The following TUSC3 variants were observed in gnomAD, a reference collection of about 807,000 sequenced individuals.
The protein encoded by TUSC3 is tumor suppressor candidate 3, also known as dolichyl-diphosphooligosaccharide--protein glycosyltransferase subunit TUSC3.
TUSC3 carries 45 observed loss-of-function variants against 44.8 expected under a neutral mutation model. The observed-to-expected ratio is 1.00, with a 90% CI of 0.79 to 1.29. The LOEUF is 1.29. Among genes scored for constraint, TUSC3 ranks in the 50% most tolerant of loss-of-function variants. TUSC3 has a pLI of 0.00. For synonymous variants in TUSC3, 212 were observed against 152.9 expected (o/e 1.39, Z -2.85); for missense variants, 519 against 437.9 (o/e 1.19, Z -1.65).
the TUSC3 span, among the ~76,000 whole-genome samples, chr8:15,832,727 C>T: frequency 3.3e-5 from 5 of 152,064 alleles, no homozygotes; most frequent in Non-Finnish European, 7.4e-5. Flanking sequence ...TCAACAAGAC[C>T]TAACTATACT....
intron 2 of TUSC3, among the ~76,000 whole-genome samples, chr8:15,526,671 C>T (rs981516751): frequency 2.6e-5 from 4 of 152,130 alleles, no homozygotes; most frequent in Non-Finnish European, 4.4e-5. Context: ...TCTCCAGTTA[C>T]GTGGAACTGT....
At chr8:15,779,611 C>A in the TUSC3 span, among the ~76,000 whole-genome samples, 1 of 152,000 alleles carries the variant, frequency 6.6e-6, no homozygotes. Flanking sequence ...CAATTTACAT[C>A]GATAATTACT....
chr8:15,577,567 G>A (rs1803166651), intron 1 of TUSC3, among the ~76,000 whole-genome samples: 2 of 148,508 alleles, frequency 1.3e-5, no homozygotes, highest in African/African-American at 5.0e-5. Context: ...TTATTAAATA[G>A]GGAATCCTTT....
At chr8:15,789,759 A>T in the TUSC3 span, among the ~76,000 whole-genome samples, 2 of 152,220 alleles carry the variant, frequency 1.3e-5, no homozygotes, top group African/African-American at 4.8e-5. Flanking sequence ...AATAAGAAAC[A>T]GGACAGATAT....
the TUSC3 span, among the ~76,000 whole-genome samples, chr8:15,836,948 C>T: frequency 6.6e-6 from 1 of 152,142 alleles, no homozygotes; most frequent in African/African-American, 2.4e-5. Context: ...GCAATTCCCA[C>T]ATTTATTGAA....
At chr8:15,772,812 G>A in the TUSC3 span, among the ~76,000 whole-genome samples, 1 of 152,196 alleles carries the variant, frequency 6.6e-6, no homozygotes, top group East Asian at 1.9e-4. Flanking sequence ...TGACCAAGTG[G>A]GAATTATTCC....
intron 6 of TUSC3, among the ~76,000 whole-genome samples, chr8:15,724,267 G>T (rs1810416176): frequency 6.6e-6 from 1 of 152,056 alleles, no homozygotes; most frequent in Admixed American, 6.6e-5. Flanking sequence ...AATAATTTCT[G>T]TTGTTTAAGC....
intron 1 of TUSC3, among the ~76,000 whole-genome samples, chr8:15,455,645 G>T (rs1359146376): frequency 2.6e-5 from 4 of 152,048 alleles, no homozygotes; most frequent in Admixed American, 2.0e-4. Context: ...TCTAGCCAAT[G>T]AGACCACCTT....
At chr8:15,584,953 G>A (rs1473225933) in intron 1 of TUSC3, among the ~76,000 whole-genome samples, 4 of 152,116 alleles carry the variant, frequency 2.6e-5, no homozygotes, top group East Asian at 3.9e-4. Flanking sequence ...GACATTGAAC[G>A]ATGATATACA....
intron 1 of TUSC3, among the ~76,000 whole-genome samples, chr8:15,622,800 C>G (rs1032649236): frequency 4.1e-5 from 6 of 146,218 alleles, no homozygotes; most frequent in African/African-American, 1.2e-4. Context: ...GCTTACTTTT[C>G]TTGAGCCTTC....
chr8:15,434,186 T>G (rs1314195986), intron 1 of TUSC3, among the ~76,000 whole-genome samples: 1 of 152,194 alleles, frequency 6.6e-6, no homozygotes, highest in Non-Finnish European at 1.5e-5. Context: ...TAGCTGTAAT[T>G]TTTATTACCC....
At chr8:15,735,026 G>T (rs745537629) in intron 7 of TUSC3, among the ~76,000 whole-genome samples, 26 of 152,136 alleles carry the variant, frequency 1.7e-4, no homozygotes, top group Non-Finnish European at 3.5e-4. Context: ...AATTCTTTTT[G>T]AAGTATTATG....
At chr8:15,698,642 A>G (rs554912880) in intron 6 of TUSC3, among the ~76,000 whole-genome samples, 1 of 152,176 alleles carries the variant, frequency 6.6e-6, no homozygotes, top group African/African-American at 2.4e-5. Context: ...TAATTAGAGT[A>G]TCTGACAATA....
intron 2 of TUSC3, among the ~76,000 whole-genome samples, chr8:15,630,367 A>G (rs1397114963): frequency 2.6e-5 from 4 of 152,136 alleles, no homozygotes; most frequent in African/African-American, 9.7e-5. Context: ...ATATTAACTA[A>G]CATTTATTCT....
chr8:15,781,256 T>A, the TUSC3 span, among the ~76,000 whole-genome samples: 2 of 152,190 alleles, frequency 1.3e-5, no homozygotes, highest in African/African-American at 4.8e-5. Context: ...CTCGGCTTCA[T>A]GATGGGGATA....
chr8:15,730,442 A>T lies in TUSC3; in HGVS notation c.799-224A>T, dbSNP rs2543140. On this transcript the variant is annotated intron_variant, in intron 6 of 10. Coordinates refer to ENST00000503731, the MANE Select transcript of TUSC3 (RefSeq NM_006765.4). ...ACAAGTTATATTAAGTTTGCTTTTG[A>T]TACTTAGTTGCCACCTAGAGTTTAC... 9.8e-3 allele frequency among the ~76,000 whole-genome samples: 1,487 copies of T among 152,264 alleles called. 9 individuals carry two copies. Among genetic ancestry groups the T allele is most frequent in the Middle Eastern group, 0.027 (8 of 294 alleles).
At chr8:15,780,424 G>C in the TUSC3 span, among the ~76,000 whole-genome samples, 2 of 152,142 alleles carry the variant, frequency 1.3e-5, no homozygotes, top group African/African-American at 4.8e-5. Flanking sequence ...AAGGGGACTA[G>C]GCATACACAA....
At chr8:15,501,596 G>A (rs1800966003) in intron 2 of TUSC3, among the ~76,000 whole-genome samples, 2 of 152,160 alleles carry the variant, frequency 1.3e-5, no homozygotes, top group African/African-American at 4.8e-5. Context: ...TGGGAAAGAA[G>A]AAGCTACAAT....
At chr8:15,743,888 A>G (rs1055301335) in intron 8 of TUSC3, among the ~76,000 whole-genome samples, 1 of 151,802 alleles carries the variant, frequency 6.6e-6, no homozygotes, top group African/African-American at 2.4e-5. Flanking sequence ...TGCTGAAGCC[A>G]TAGTCTTGGT....
Sources: allele counts gnomAD v4.1 joint callset (sites outside exome capture counted in the v4.1 genomes callset), GRCh38; gene constraint gnomAD v4.1.1; transcripts MANE v1.5; gene names NCBI Gene and HGNC (gene_info 2026-07-23, HGNC 2026-07-21).